DCAF5: variants seen among roughly 807,000 people sequenced by gnomAD.
The protein encoded by DCAF5 is DDB1- and CUL4-associated factor 5.
A neutral mutation model predicts 80.7 loss-of-function variants in DCAF5; 9 were observed. That is an observed-to-expected ratio of 0.11 (90% CI 0.07 to 0.19). DCAF5 has a LOEUF of 0.19. Among genes scored for constraint, DCAF5 ranks in the 10% least tolerant of loss-of-function variants. The probability of loss-of-function intolerance (pLI) is 1.00; values close to 1 mark genes in which losing one functional copy is unlikely to be tolerated. For synonymous variants in DCAF5, 433 were observed against 461.9 expected (o/e 0.94, Z 0.80); for missense variants, 842 against 1,205.7 (o/e 0.70, Z 4.47).
In DCAF5 at chr14:69,118,698, T is replaced by C. The variant is rs1439328194; in HGVS notation, c.396-420A>G. ...CAATCTGGCATGGTGATGAAGAGCA[T>C]GGCTCTGAGGCCAGATAGCCTAAGT... On this transcript the variant is annotated intron_variant, in intron 3 of 8. Coordinates refer to ENST00000341516, the MANE Select transcript of DCAF5 (RefSeq NM_003861.3). This position sits in a 1 kb window ranked among gnomAD's most constrained non-coding sequence, Gnocchi z 4.0. 6.6e-6 allele frequency among the ~76,000 whole-genome samples: 1 copy of C among 152,206 alleles called. No homozygotes were observed. The highest frequency in any genetic ancestry group is 1.9e-4 in the East Asian group (1 of 5,196).
At chr14:69,074,350 G>C (rs1349612177) in intron 7 of DCAF5, among the ~76,000 whole-genome samples, 3 of 151,754 alleles carry the variant, frequency 2.0e-5, no homozygotes, top group African/African-American at 7.3e-5. Context: ...AGCACATGAA[G>C]ACACTATTAT....
chr14:69,109,659 TTA>T (rs1316103328), intron 5 of DCAF5, among the ~76,000 whole-genome samples: 1 of 152,236 alleles, frequency 6.6e-6, no homozygotes, highest in Non-Finnish European at 1.5e-5. Flanking sequence ...TGTTGTTTAT[TTA>T]TGTTTGTGTA....
chr14:69,114,206 A>C (rs2040467904), intron 5 of DCAF5, among the ~76,000 whole-genome samples: 1 of 152,186 alleles, frequency 6.6e-6, no homozygotes, highest in Non-Finnish European at 1.5e-5. Flanking sequence ...AAAAACATGC[A>C]TCCTTTGATG....
At position 69,072,093 on chromosome 14, in the gene DCAF5, C is replaced by A. The variant is rs79924269; in HGVS notation, c.946+3252G>T. 4.0e-3 allele frequency among the ~76,000 whole-genome samples: 611 copies of A among 152,298 alleles called. 2 individuals carry two copies. The highest frequency in any genetic ancestry group is 0.014 in the African/African-American group (577 of 41,562). ...TCTTCATATAGATCTGTAAGACCCACAGCCCCATTTCCCTATTTGGCTTTT... is the reference window on the plus strand; with the variant it reads ...TCTTCATATAGATCTGTAAGACCCAAAGCCCCATTTCCCTATTTGGCTTTT... On this transcript the variant is annotated intron_variant, in intron 7 of 8. Transcript: ENST00000341516.
chr14:69,138,129 T>TA (rs796201825), intron 1 of DCAF5, among the ~76,000 whole-genome samples: 51 of 143,026 alleles, frequency 3.6e-4, no homozygotes, highest in South Asian at 6.7e-4. Context: ...GACACCTATT[T>TA]AAAAAAAAAA....
Position 69,054,044 on chromosome 14 carries a change from T to C in DCAF5, c.2642A>G (p.Lys881Arg). The change falls in exon 9 of 9, where the codon AAA (lysine) becomes AGA (arginine). Residue 881 changes from lysine to arginine, a missense_variant. By Grantham distance (26) the Lys-to-Arg change is conservative. Coordinates refer to ENST00000341516, the MANE Select transcript of DCAF5 (RefSeq NM_003861.3). ...GGCCATTTCAGACCCGCAACAATCT[T>C]TGTGTAGGAGTGTCCCTGTCAGGGA... ...NSSLTGTLLHKDCCGSEMACE... is the reference protein window; with the variant it reads ...NSSLTGTLLHRDCCGSEMACE... 1 of 1,613,100 alleles carries C rather than the reference T, an allele frequency of 6.2e-7. No homozygotes were observed. Among genetic ancestry groups the C allele is most frequent in the Non-Finnish European group, 8.5e-7 (1 of 1,179,170 alleles).
At chr14:69,125,820 G>T (rs985698431) in intron 1 of DCAF5, among the ~76,000 whole-genome samples, 4 of 151,990 alleles carry the variant, frequency 2.6e-5, no homozygotes, top group Non-Finnish European at 5.9e-5. Context: ...AGTTTCGAAA[G>T]GATATGAAAG....
chr14:69,111,455 ACT>A (rs2040362402), intron 5 of DCAF5, among the ~76,000 whole-genome samples: 1 of 152,142 alleles, frequency 6.6e-6, no homozygotes, highest in Non-Finnish European at 1.5e-5. Context: ...GGAAAAAACC[ACT>A]CTCTTTATTA....
At chr14:69,065,974 C>A (rs895591304) in intron 7 of DCAF5, among the ~76,000 whole-genome samples, 1 of 152,126 alleles carries the variant, frequency 6.6e-6, no homozygotes, top group Admixed American at 6.5e-5. Flanking sequence ...GAACTAAGTC[C>A]TGACTGAATC....
At chr14:69,073,082 T>G (rs1366626962) in intron 7 of DCAF5, among the ~76,000 whole-genome samples, 1 of 152,240 alleles carries the variant, frequency 6.6e-6, no homozygotes, top group East Asian at 1.9e-4. Flanking sequence ...TCTGGCCTGG[T>G]CAGACTAAAT....
At position 69,053,725 on chromosome 14, in the gene DCAF5, T is replaced by A. The variant is rs2037835840; in HGVS notation, c.*132A>T. On this transcript the variant is annotated 3_prime_UTR_variant, in exon 9 of 9. Transcript: ENST00000341516. ...GAATGTTGGATAGAAGGGAGCAGCA[T>A]CAGACACAAAATTTCAGGCCCTGGT... The A allele has an allele frequency of 1.2e-5, 10 of 813,186 alleles. No homozygotes were observed. The highest frequency in any genetic ancestry group is 1.7e-5 in the Non-Finnish European group (9 of 537,064). The allele number at this position is 813,186 out of a possible 1,614,324, so 50.4% of individuals were successfully genotyped here.
rs573040896 is a variant in DCAF5, at chr14:69,058,492, T to C, written c.1075-2881A>G. On this transcript the variant is annotated intron_variant, in intron 8 of 8. Coordinates refer to ENST00000341516, the MANE Select transcript of DCAF5 (RefSeq NM_003861.3). Reference sequence around the variant, plus strand: ...CGAGATCGCGCCACTGCACTCCAGCTTGGGTGACAAGAGCGAAATCCTGTC... The same window carrying C: ...CGAGATCGCGCCACTGCACTCCAGCCTGGGTGACAAGAGCGAAATCCTGTC... Among the ~76,000 whole-genome samples the C allele has an allele frequency of 3.5e-4, 53 of 150,862 alleles. No homozygotes were observed. The South Asian group carries it at 0.011, about 32-fold the overall frequency.
intron 1 of DCAF5, among the ~76,000 whole-genome samples, chr14:69,150,863 C>G (rs1395986774): frequency 1.3e-5 from 2 of 152,154 alleles, no homozygotes; most frequent in Non-Finnish European, 2.9e-5. Context: ...CCACTGCACT[C>G]CAGCCTGGGC....
intron 1 of DCAF5, among the ~76,000 whole-genome samples, chr14:69,142,732 CA>C (rs2041413856): frequency 2.0e-5 from 3 of 152,208 alleles, no homozygotes; most frequent in Admixed American, 2.0e-4. Context: ...GTGGCCCAGA[CA>C]GGTATTTTCT....
chr14:69,136,736 C>T (rs978990806), intron 1 of DCAF5, among the ~76,000 whole-genome samples: 1 of 152,120 alleles, frequency 6.6e-6, no homozygotes, highest in Admixed American at 6.5e-5. Context: ...TAATGGCATA[C>T]ACTGGGTAGA....
intron 1 of DCAF5, among the ~76,000 whole-genome samples, chr14:69,147,589 C>A (rs922397083): frequency 6.6e-6 from 1 of 152,144 alleles, no homozygotes; most frequent in African/African-American, 2.4e-5. Flanking sequence ...TCATACTCTA[C>A]AATCTCTCTA....
chr14:69,116,304 T>C, intron 5 of DCAF5, 62 bp downstream of exon 5: 1 of 1,566,326 alleles, frequency 6.4e-7, no homozygotes, highest in Non-Finnish European at 8.7e-7. Context: ...TACTGGCTGG[T>C]CACATTACCT....
rs759017150 is a variant in DCAF5, at chr14:69,054,858, T to C, written c.1828A>G (p.Ile610Val). 21 of 1,614,008 alleles carry C rather than the reference T, an allele frequency of 1.3e-5. No individual in the cohort carries two copies. The Admixed American group carries it at 1.7e-4, about 13-fold the overall frequency. ...SAPIKPTNTY[I>V]GEDNYDYPQI... is the part of the protein sequence containing the mutation. The stretch of plus-strand genomic sequence containing the variant: ...GGGTAATCATAGTTGTCTTCTCCAA[T>C]GTAAGTGTTGGTGGGCTTGATTGGG... The change falls in exon 9 of 9, where the codon ATT (isoleucine) becomes GTT (valine). Residue 610 changes from isoleucine to valine, a missense_variant. Physicochemically the swap from Ile to Val is conservative, Grantham distance 29. This residue lies in a region of DCAF5 where 607 missense variants were observed against 656.6 expected (regional missense o/e 0.92). Coordinates refer to ENST00000341516, the MANE Select transcript of DCAF5 (RefSeq NM_003861.3).
At position 69,072,984 on chromosome 14, in the gene DCAF5, T is replaced by C. The variant is rs561034818; in HGVS notation, c.946+2361A>G. On this transcript the variant is annotated intron_variant, in intron 7 of 8. Coordinates refer to ENST00000341516, the MANE Select transcript of DCAF5 (RefSeq NM_003861.3). ...AAGTATTAACAGATCATGGGTTCTG[T>C]GGCCTCTAAAAAAGCTTATGTGACA... is the stretch of plus-strand genomic sequence containing the variant. Among the ~76,000 whole-genome samples, 14 of 152,334 alleles carry C rather than the reference T, an allele frequency of 9.2e-5. No individual in the cohort carries two copies. In the East Asian group the frequency reaches 2.7e-3, roughly 29 times the overall value.
Sources: allele counts gnomAD v4.1 joint callset (sites outside exome capture counted in the v4.1 genomes callset), GRCh38; gene constraint gnomAD v4.1.1; regional missense constraint gnomAD v4.1.1; non-coding constraint Gnocchi (gnomAD v3.1); transcripts MANE v1.5; gene names NCBI Gene and HGNC (gene_info 2026-07-23, HGNC 2026-07-21).